The following CYP4F11 variants were observed in gnomAD, a reference collection of about 807,000 sequenced individuals.
CYP4F11 encodes the protein cytochrome P450 4F11.
A neutral mutation model predicts 62.2 loss-of-function variants in CYP4F11; 79 were observed. The observed-to-expected ratio is 1.27, with a 90% CI of 1.06 to 1.53. The LOEUF (loss-of-function observed/expected upper bound fraction) is 1.53. Ranked by LOEUF, CYP4F11 falls within the 40% of genes most tolerant of loss-of-function variation. CYP4F11 has a pLI of 0.00. For synonymous variants in CYP4F11, 290 were observed against 263.7 expected, an observed-to-expected ratio of 1.10 and a Z score of -0.97; for missense variants, 777 against 680.5, an observed-to-expected ratio of 1.14 and a Z score of -1.58.
chr19:15,914,363 G>C lies in CYP4F11; in HGVS notation c.1339C>G (p.Gln447Glu). The change falls in exon 11 of 12, where the codon CAA becomes GAA. Residue 447 changes from glutamine to glutamate, a missense_variant. Physicochemically the swap from Gln to Glu is conservative, Grantham distance 29. Coordinates refer to ENST00000402119, the MANE Select transcript of CYP4F11 (RefSeq NM_021187.4). ...PEVYDPFRFD[Q>E]ENIKERSPLA... ...GGTGACCTCTCCTTGATGTTCTCTT[G>C]GTCGAAACGGAAGGGGTCGTAGACC... 1.2e-6 allele frequency: 2 copies of C among 1,614,074 alleles called. No homozygotes were observed. Among genetic ancestry groups the C allele is most frequent in the East Asian group, 2.2e-5 (1 of 44,872 alleles).
intron 1 of CYP4F11, among the ~76,000 whole-genome samples, 189 bp downstream of exon 1, chr19:15,934,022 G>T (rs1402806098): frequency 9.1e-6 from 1 of 110,434 alleles, no homozygotes; most frequent in African/African-American, 3.1e-5. Flanking sequence ...ATGAGTGAGT[G>T]GGCAGAGGAA....
At chr19:15,929,871 G>A (rs2089698054) in intron 1 of CYP4F11, among the ~76,000 whole-genome samples, 1 of 152,172 alleles carries the variant, frequency 6.6e-6, no homozygotes, top group Admixed American at 6.5e-5. Flanking sequence ...AGGAAAGGGT[G>A]GATGTGCTCA....
chr19:15,914,929 G>A, intron 8 of CYP4F11, 34 bp from the exon 9 acceptor site: 1 of 1,609,852 alleles, frequency 6.2e-7, no homozygotes, highest in Non-Finnish European at 8.5e-7. Flanking sequence ...TCATTATCAA[G>A]GGAACAAAGA....
intron 6 of CYP4F11, 91 bp from the exon 7 acceptor site, chr19:15,922,521 T>C (rs2089637086): frequency 5.0e-6 from 7 of 1,396,324 alleles, no homozygotes; most frequent in Non-Finnish European, 7.1e-6. Context: ...TGAAGATCCA[T>C]CCTCCTTCCA....
intron 8 of CYP4F11, among the ~76,000 whole-genome samples, chr19:15,920,358 C>CA (rs2089616303): frequency 6.6e-6 from 1 of 152,168 alleles, no homozygotes; most frequent in African/African-American, 2.4e-5. Flanking sequence ...TGTTCATATA[C>CA]AGTGGGCATC....
chr19:15,928,996 C>G (rs1340217310), intron 2 of CYP4F11, among the ~76,000 whole-genome samples: 1 of 152,178 alleles, frequency 6.6e-6, no homozygotes. Context: ...TAATGATGTC[C>G]ACTGCATCAC....
At chr19:15,931,660 GCGAGGAGAGGAA>G (rs1345327205) in intron 1 of CYP4F11, among the ~76,000 whole-genome samples, 1 of 62,488 alleles carries the variant, frequency 1.6e-5, no homozygotes. Context: ...GAATGAGTGA[GCGAGGAGAGGAA>G]TGAGTGAGCG....
At chr19:15,929,201 G>T (rs759973356) in intron 2 of CYP4F11, among the ~76,000 whole-genome samples, 3 of 152,180 alleles carry the variant, frequency 2.0e-5, no homozygotes, top group Non-Finnish European at 4.4e-5. Context: ...CTTTCTCGAG[G>T]ACAGGGCCCT....
At chr19:15,914,009 G>T (rs2089560952) in intron 11 of CYP4F11, 100 bp from the exon 12 acceptor site, 2 of 1,397,918 alleles carry the variant, frequency 1.4e-6, no homozygotes, top group Admixed American at 2.3e-5. Flanking sequence ...ACCCACATAG[G>T]CTTGAGGGGC....
chr19:15,927,121 C>T, intron 4 of CYP4F11, 91 bp downstream of exon 4: 2 of 1,446,306 alleles, frequency 1.4e-6, no homozygotes, highest in Non-Finnish European at 1.9e-6. Flanking sequence ...AGAGCATTGT[C>T]CCCAAAGCAC....
At chr19:15,925,005 C>G (rs2089658237) in intron 4 of CYP4F11, 123 bp from the exon 5 acceptor site, 1 of 1,156,516 alleles carries the variant, frequency 8.6e-7, no homozygotes, top group South Asian at 1.7e-5. Context: ...GGTACCCATC[C>G]CCAGGAAGGA....
rs60842401 is a variant in CYP4F11 at position 15,921,054 on chromosome 19, GTCTCTCTCTCTCTCTCTCTCTCTC to G, written c.1115+959_1115+982del. On this transcript the variant is annotated intron_variant, in intron 8 of 11. Transcript: ENST00000402119. Reference sequence around the variant, plus strand: ...TTGGTCTCTCTCTCTCTCTCTTTCTGTCTCTCTCTCTCTCTCTCTCTCTCTCTCTCTCTCTCTCTCTCTCTCTCT... The same window carrying G: ...TTGGTCTCTCTCTCTCTCTCTTTCTGTCTCTCTCTCTCTCTCTCTCTCTCT... 2.0e-3 allele frequency among the ~76,000 whole-genome samples: 245 copies of G among 122,484 alleles called. 2 individuals are homozygous for G. Among genetic ancestry groups the G allele is most frequent in the African/African-American group, 6.8e-3 (213 of 31,536 alleles). 80.4% of individuals were successfully genotyped at this position (122,484 alleles called of 152,430 possible). A position where few individuals can be genotyped will look rare whatever the true frequency, so the allele number is the denominator to read the frequency against.
At chr19:15,931,561 C>CGGGGAGAGGAATGAGTGAGT (rs2089719574) in intron 1 of CYP4F11, among the ~76,000 whole-genome samples, 2 of 61,556 alleles carry the variant, frequency 3.2e-5, no homozygotes, top group African/African-American at 6.1e-5. Context: ...AATGAGTGAG[C>CGGGGAGAGGAATGAGTGAGT]GAGGAGAGGA....
rs1176436259 is a variant in CYP4F11, at chr19:15,924,081, T to C, written c.649A>G (p.Lys217Glu). Residue 217 changes from lysine (K) to glutamate (E), a missense_variant and splice_region_variant, in exon 6 of 12, where the codon AAG becomes GAG. Lys to Glu is a moderately conservative substitution (Grantham distance 56, BLOSUM62 1). Transcript: ENST00000402119. ...ATGGCGGCAATATATTCACTGGGCT[T>C]CCTGCATGAAGGAGGTAACAACTTA... ...VFSFESNCQE[K>E]PSEYIAAILE... 4 of 1,612,968 alleles carry C rather than the reference T, an allele frequency of 2.5e-6. No individual in the cohort carries two copies. The highest frequency in any genetic ancestry group is 4.5e-5 in the East Asian group (2 of 44,848).
rs927235164 is a variant in CYP4F11, at chr19:15,919,409, T to TGGAC, written c.1115+2624_1115+2627dup. 6.0e-5 allele frequency among the ~76,000 whole-genome samples: 8 copies of TGGAC among 132,582 alleles called. 1 individual carries two copies. The East Asian group carries it at 8.5e-4, about 14-fold the overall frequency. The allele number at this position is 132,582 out of a possible 152,430, so 87.0% of individuals were successfully genotyped here. On this transcript the variant is annotated intron_variant, in intron 8 of 11. Coordinates refer to ENST00000402119, the MANE Select transcript of CYP4F11 (RefSeq NM_021187.4). ...ATGAATAGATAGGATAAAGGATGGA[T>TGGAC]GGACGGATGGATGGATGGATGGATG... is the stretch of plus-strand genomic sequence containing the variant.
chr19:15,921,054 G>GTCTCTCTCTCTCTCTCTCTC (rs60842401), intron 8 of CYP4F11, among the ~76,000 whole-genome samples: 24 of 122,470 alleles, frequency 2.0e-4, no homozygotes, highest in South Asian at 5.5e-4. Context: ...CTCTCTTTCT[G>GTCTCTCTCTCTCTCTCTCTC]TCTCTCTCTC....
chr19:15,926,898 AC>A (rs1159846225), intron 4 of CYP4F11, among the ~76,000 whole-genome samples: 1 of 151,926 alleles, frequency 6.6e-6, no homozygotes, highest in African/African-American at 2.4e-5. Flanking sequence ...ATTGCTCTAA[AC>A]CAATGAGTTT....
intron 8 of CYP4F11, among the ~76,000 whole-genome samples, chr19:15,920,746 G>A (rs1283222817): frequency 6.6e-6 from 1 of 151,956 alleles, no homozygotes; most frequent in Non-Finnish European, 1.5e-5. Context: ...CCTGCTACCT[G>A]TCTCTTCCCA....
At chr19:15,927,862 C>A in intron 2 of CYP4F11, 1 of 217,638 alleles carries the variant, frequency 4.6e-6, no homozygotes, top group Non-Finnish European at 9.1e-6. Context: ...AATATTGCCC[C>A]GACAGTTGTT....
Sources: allele counts gnomAD v4.1 joint callset (sites outside exome capture counted in the v4.1 genomes callset), GRCh38; gene constraint gnomAD v4.1.1; transcripts MANE v1.5; gene names NCBI Gene and HGNC (gene_info 2026-07-23, HGNC 2026-07-21).